Variants in TRPC4 observed in about 807,000 individuals in gnomAD.
TRPC4 encodes the protein short transient receptor potential channel 4.
A neutral mutation model predicts 99.4 loss-of-function variants in TRPC4; 49 were observed. The ratio of observed to expected loss-of-function variants is 0.49; its 90% CI spans 0.39 to 0.63. TRPC4 has a LOEUF of 0.63. TRPC4 is among the 20% of genes least tolerant of loss of function. The pLI is 0.00. For missense variants in TRPC4, 898 were observed against 1,152.9 expected (o/e 0.78, Z 3.20); for synonymous variants, 454 against 425.9 (o/e 1.07, Z -0.81).
chr13:37,835,346 T>G (rs1021053171), intron 1 of TRPC4, among the ~76,000 whole-genome samples: 1 of 152,162 alleles, frequency 6.6e-6, no homozygotes, highest in African/African-American at 2.4e-5. Flanking sequence ...TCACAGCCAT[T>G]TCTCTCTCTG....
chr13:37,821,219 CA>C lies in TRPC4; in HGVS notation c.-27-37860del, dbSNP rs1241324921. On this transcript the variant is annotated intron_variant, in intron 1 of 10. Coordinates refer to ENST00000379705, the MANE Select transcript of TRPC4 (RefSeq NM_016179.4). ...ACACACACACACACACACACACACA[CA>C]CACACACACACAAATACCTAGGAAT... 9.8e-4 allele frequency among the ~76,000 whole-genome samples: 149 copies of C among 151,300 alleles called. 2 individuals carry two copies. The highest frequency in any genetic ancestry group is 1.3e-4 in the Non-Finnish European group (9 of 67,588).
chr13:37,812,183 A>AAAAAAAAAAAAAAAAAAAAAAAAAAAAAC (rs1957712638), intron 1 of TRPC4, among the ~76,000 whole-genome samples: 1 of 147,912 alleles, frequency 6.8e-6, no homozygotes, highest in South Asian at 2.1e-4. Context: ...TATCAAAAAA[A>AAAAAAAAAAAAAAAAAAAAAAAAAAAAAC]AAAAAAAAAA....
chr13:37,658,012 T>G (rs1016371747), intron 6 of TRPC4, among the ~76,000 whole-genome samples: 1 of 152,134 alleles, frequency 6.6e-6, no homozygotes. Context: ...AACAGGTGGA[T>G]TTTTAAAAAA....
chr13:37,838,608 G>A (rs1480431695), intron 1 of TRPC4, among the ~76,000 whole-genome samples: 5 of 151,872 alleles, frequency 3.3e-5, no homozygotes, highest in African/African-American at 1.2e-4. Flanking sequence ...TAAAAATTTA[G>A]AACTTTTACC....
intron 2 of TRPC4, among the ~76,000 whole-genome samples, chr13:37,779,334 C>T (rs1042898835): frequency 3.3e-5 from 5 of 151,830 alleles, no homozygotes; most frequent in Admixed American, 1.3e-4. Flanking sequence ...CAGAGACTAT[C>T]AGTGCAATGA....
intron 3 of TRPC4, among the ~76,000 whole-genome samples, chr13:37,726,200 CA>C (rs891422589): frequency 2.5e-4 from 37 of 148,062 alleles, no homozygotes; most frequent in African/African-American, 9.2e-4. Context: ...CGTCCCCCCC[CA>C]AAAAAAAAAG....
intron 3 of TRPC4, among the ~76,000 whole-genome samples, chr13:37,712,521 T>C (rs968892221): frequency 1.3e-5 from 2 of 152,190 alleles, no homozygotes; most frequent in African/African-American, 2.4e-5. Context: ...AGTTCCTATC[T>C]TGAAAAGTAG....
At chr13:37,725,531 A>G (rs913375018) in intron 3 of TRPC4, among the ~76,000 whole-genome samples, 5 of 152,166 alleles carry the variant, frequency 3.3e-5, no homozygotes, top group African/African-American at 9.6e-5. Context: ...GAATAAGATT[A>G]TCAACAGATT....
intron 3 of TRPC4, among the ~76,000 whole-genome samples, chr13:37,719,454 C>T (rs1954791079): frequency 6.6e-6 from 1 of 151,842 alleles, no homozygotes. Context: ...AAAGAGGATT[C>T]TTCTGGTTTA....
chr13:37,796,138 C>A (rs1713263155), intron 1 of TRPC4, among the ~76,000 whole-genome samples: 1 of 152,104 alleles, frequency 6.6e-6, no homozygotes, highest in Admixed American at 6.6e-5. Context: ...GAATTTTGTT[C>A]TTGCCTTTAT....
intron 1 of TRPC4, among the ~76,000 whole-genome samples, chr13:37,841,679 A>C (rs79737313): frequency 0.032 from 4,918 of 152,232 alleles, 266 homozygotes; most frequent in African/African-American, 0.11. Flanking sequence ...AATACAAAAT[A>C]ATGCCACAAT....
At position 37,633,701 on chromosome 13, in the gene TRPC4, T is replaced by C. The variant is rs1951442095; in HGVS notation, c.*3202A>G. Among the ~76,000 whole-genome samples, 1 of 152,128 alleles carries C rather than the reference T, an allele frequency of 6.6e-6. No homozygotes were observed. Among genetic ancestry groups the C allele is most frequent in the Non-Finnish European group, 1.5e-5 (1 of 67,990 alleles). On this transcript the variant is annotated 3_prime_UTR_variant, in exon 11 of 11. Coordinates refer to ENST00000379705, the MANE Select transcript of TRPC4 (RefSeq NM_016179.4). Reference sequence around the variant, plus strand: ...GCAAGAAAGTGAGTATGTTTTTGCATTAGTTTAATTGCCATCCAGTAAATA... The same window carrying C: ...GCAAGAAAGTGAGTATGTTTTTGCACTAGTTTAATTGCCATCCAGTAAATA...
At chr13:37,739,980 G>T (rs1000256655) in intron 3 of TRPC4, among the ~76,000 whole-genome samples, 3 of 152,112 alleles carry the variant, frequency 2.0e-5, no homozygotes, top group Non-Finnish European at 4.4e-5. Context: ...GACAGTCAGT[G>T]GTTAACAATG....
intron 8 of TRPC4, among the ~76,000 whole-genome samples, chr13:37,646,265 C>T (rs918424704): frequency 4.0e-4 from 61 of 152,136 alleles, no homozygotes; most frequent in African/African-American, 1.4e-3. Flanking sequence ...GCCTCCTGTT[C>T]TTCTCACCAT....
At position 37,636,988 on chromosome 13, in the gene TRPC4, G is replaced by A. The variant is rs759200338; in HGVS notation, c.2849C>T (p.Ala950Val). The A allele has an allele frequency of 1.9e-6, 3 of 1,613,558 alleles. No individual in the cohort carries two copies. The highest frequency in any genetic ancestry group is 2.5e-6 in the Non-Finnish European group (3 of 1,179,758). ...TVPIIPKEKH[A>V]KEEDSSIDYD... ...GTCTATACTAGAGTCCTCTTCTTTT[G>A]CATGTTTCTCCTTTGGTATTATAGG... Residue 950 changes from alanine (A) to valine (V), a missense_variant, in exon 11 of 11, where the codon GCA becomes GTA. By Grantham distance (64) the Ala-to-Val change is moderately conservative. This residue lies in a region of TRPC4 where 346 missense variants were observed against 351.4 expected (regional missense o/e 0.98). Coordinates refer to ENST00000379705, the MANE Select transcript of TRPC4 (RefSeq NM_016179.4).
intron 8 of TRPC4, among the ~76,000 whole-genome samples, chr13:37,644,562 T>C (rs984784997): frequency 3.3e-5 from 5 of 152,056 alleles, no homozygotes; most frequent in Non-Finnish European, 7.4e-5. Flanking sequence ...AAGTGTACAA[T>C]ATCACATAGA....
chr13:37,700,659 T>C (rs1306901011), intron 3 of TRPC4, among the ~76,000 whole-genome samples: 1 of 152,184 alleles, frequency 6.6e-6, no homozygotes, highest in Non-Finnish European at 1.5e-5. Flanking sequence ...TTCCAGACCT[T>C]AGAAAATAGG....
chr13:37,752,587 C>T (rs888980015), intron 2 of TRPC4, among the ~76,000 whole-genome samples: 1 of 151,504 alleles, frequency 6.6e-6, no homozygotes, highest in East Asian at 2.0e-4. Context: ...ACCACTTCTG[C>T]CCCCCTCCCC....
intron 1 of TRPC4, among the ~76,000 whole-genome samples, chr13:37,808,138 G>A (rs1469952895): frequency 6.6e-6 from 1 of 151,994 alleles, no homozygotes. Context: ...ATAATGGCCT[G>A]TGCATTCAAA....
Sources: allele counts gnomAD v4.1 joint callset (sites outside exome capture counted in the v4.1 genomes callset), GRCh38; gene constraint gnomAD v4.1.1; regional missense constraint gnomAD v4.1.1; transcripts MANE v1.5; gene names NCBI Gene and HGNC (gene_info 2026-07-23, HGNC 2026-07-21).